Variants in KAZN observed in about 807,000 individuals in gnomAD.
The protein encoded by KAZN is kazrin.
In KAZN, 40 loss-of-function variants were observed where a neutral mutation model predicts 87.4. That is an observed-to-expected ratio of 0.46 (90% confidence interval 0.36 to 0.60). The LOEUF (loss-of-function observed/expected upper bound fraction) is 0.60. Among genes scored for constraint, KAZN ranks in the 20% least tolerant of loss-of-function variants. The pLI, the probability that KAZN is intolerant of heterozygous loss-of-function variation, is 0.00. For missense variants in KAZN, 898 were observed against 1,073.9 expected (o/e 0.84, Z 2.29); for synonymous variants, 466 against 458.3 (o/e 1.02, Z -0.22).
chr1:14,491,236 T>C (rs1057269710), intron 2 of KAZN, among the ~76,000 whole-genome samples: 1 of 152,250 alleles, frequency 6.6e-6, no homozygotes. Context: ...TTGCTTTTTC[T>C]CTATTTGATA....
intron 1 of KAZN, among the ~76,000 whole-genome samples, chr1:14,051,152 T>C (rs1287302694): frequency 6.6e-6 from 1 of 152,188 alleles, no homozygotes; most frequent in Non-Finnish European, 1.5e-5. Flanking sequence ...TCAAGCGTCA[T>C]AGAATTCTTG....
intron 2 of KAZN, among the ~76,000 whole-genome samples, chr1:14,464,322 GT>G (rs1413293497): frequency 1.3e-5 from 2 of 152,096 alleles, no homozygotes; most frequent in Non-Finnish European, 2.9e-5. Context: ...AAAAATTCAG[GT>G]TTTTGCATGA....
At chr1:14,974,143 T>C (rs7554572) in intron 2 of KAZN, among the ~76,000 whole-genome samples, 60,015 of 151,436 alleles carry the variant, frequency 0.4, 14,014 homozygotes, top group African/African-American at 0.65. Flanking sequence ...TGTACATGGA[T>C]GCTAAGGGCT....
chr1:14,835,011 G>A lies in KAZN; in HGVS notation c.227-125673G>A, dbSNP rs543886053. Among the ~76,000 whole-genome samples the A allele has an allele frequency of 8.5e-5, 13 of 152,330 alleles. No individual in the cohort carries two copies. The South Asian group carries it at 2.1e-3, about 24-fold the overall frequency. ...TTCCCTAATGGTTTTATGTGTTTCT[G>A]TGTTCAGTTAAAGCAGGCTTATTTT... On this transcript the variant is annotated intron_variant, in intron 1 of 14. Coordinates refer to ENST00000376030, the MANE Select transcript of KAZN (RefSeq NM_201628.3).
At chr1:15,019,125 C>T (rs1670414104) in intron 2 of KAZN, among the ~76,000 whole-genome samples, 1 of 152,198 alleles carries the variant, frequency 6.6e-6, no homozygotes, top group Admixed American at 6.5e-5. Flanking sequence ...ACCTCCACAC[C>T]TTCCAGGGAC....
At chr1:14,056,045 T>C (rs1642540781) in intron 1 of KAZN, among the ~76,000 whole-genome samples, 1 of 152,218 alleles carries the variant, frequency 6.6e-6, no homozygotes, top group Non-Finnish European at 1.5e-5. Context: ...CTGTGACTCA[T>C]AATCTACCTC....
intron 1 of KAZN, among the ~76,000 whole-genome samples, chr1:14,912,628 G>T (rs574986928): frequency 6.6e-6 from 1 of 152,210 alleles, no homozygotes; most frequent in Non-Finnish European, 1.5e-5. Flanking sequence ...CAATCCTCCT[G>T]CCTTGGCCTC....
intron 1 of KAZN, among the ~76,000 whole-genome samples, chr1:13,963,713 C>G (rs1641838477): frequency 6.6e-6 from 1 of 151,674 alleles, no homozygotes; most frequent in Non-Finnish European, 1.5e-5. Context: ...AAAAAACCTT[C>G]ATCTCCTTCT....
At chr1:14,437,464 G>A (rs1666459748) in intron 2 of KAZN, among the ~76,000 whole-genome samples, 2 of 152,324 alleles carry the variant, frequency 1.3e-5, no homozygotes, top group Middle Eastern at 3.4e-3. Flanking sequence ...ATTAGACAGT[G>A]AGACCTGCGT....
chr1:14,862,316 A>G (rs1650959710), intron 1 of KAZN, among the ~76,000 whole-genome samples: 1 of 152,048 alleles, frequency 6.6e-6, no homozygotes, highest in Non-Finnish European at 1.5e-5. Flanking sequence ...TGCTGCAAGG[A>G]GGGGTTTCGG....
intron 1 of KAZN, among the ~76,000 whole-genome samples, chr1:13,960,586 A>G (rs1557747597): frequency 1.3e-5 from 2 of 152,206 alleles, no homozygotes; most frequent in East Asian, 3.8e-4. Flanking sequence ...TGGTGGTCAA[A>G]GCATGAATGG....
chr1:14,970,507 C>T (rs577144808), intron 2 of KAZN, among the ~76,000 whole-genome samples: 122 of 152,300 alleles, frequency 8.0e-4, no homozygotes, highest in African/African-American at 2.7e-3. Context: ...GCTTTTTATG[C>T]AGTAATTTTT....
intron 1 of KAZN, among the ~76,000 whole-genome samples, chr1:14,686,355 G>A (rs1239044869): frequency 2.0e-5 from 3 of 152,092 alleles, no homozygotes; most frequent in Admixed American, 6.5e-5. Context: ...GAGCCACCAC[G>A]CCCAGCCCAG....
At chr1:14,455,764 A>G (rs1271513391) in intron 2 of KAZN, among the ~76,000 whole-genome samples, 1 of 152,176 alleles carries the variant, frequency 6.6e-6, no homozygotes, top group Non-Finnish European at 1.5e-5. Context: ...CTCTAACCAG[A>G]GGAATTCTTC....
chr1:14,319,476 T>A (rs1239819333), intron 2 of KAZN, among the ~76,000 whole-genome samples: 2 of 152,018 alleles, frequency 1.3e-5, no homozygotes, highest in Non-Finnish European at 2.9e-5. Context: ...GATGTCTTTG[T>A]GTTCAGAAAA....
intron 1 of KAZN, among the ~76,000 whole-genome samples, chr1:14,844,052 A>G (rs1175260178): frequency 1.3e-5 from 2 of 152,198 alleles, no homozygotes; most frequent in Non-Finnish European, 2.9e-5. Flanking sequence ...TGTAGAGAAC[A>G]GAAGACTTCC....
At chr1:14,950,990 G>A (rs1303391782) in intron 1 of KAZN, among the ~76,000 whole-genome samples, 1 of 152,144 alleles carries the variant, frequency 6.6e-6, no homozygotes, top group Non-Finnish European at 1.5e-5. Context: ...TTAACTGCAT[G>A]TTCTCTCTGT....
At chr1:14,236,580 C>G (rs374774967) in intron 2 of KAZN, among the ~76,000 whole-genome samples, 11 of 152,156 alleles carry the variant, frequency 7.2e-5, no homozygotes, top group African/African-American at 2.7e-4. Flanking sequence ...AGGTACTTTC[C>G]CTCAAGGATG....
chr1:14,071,094 C>T (rs533305134), intron 1 of KAZN, among the ~76,000 whole-genome samples: 1 of 152,174 alleles, frequency 6.6e-6, no homozygotes, highest in South Asian at 2.1e-4. Flanking sequence ...CCTTTTACTC[C>T]CAGAGCTGGA....
Sources: gnomAD v4.1 joint callset for allele counts (sites outside exome capture counted in the v4.1 genomes callset) on GRCh38, gnomAD v4.1.1 for gene constraint, MANE v1.5 for transcripts, NCBI Gene and HGNC (gene_info 2026-07-23, HGNC 2026-07-21) for gene names.